The following RBFOX1 variants were observed in gnomAD, a reference collection of about 807,000 sequenced individuals.
RBFOX1 encodes the protein RNA binding fox-1 homolog 1.
Under a neutral mutation model 57.7 loss-of-function variants are expected in RBFOX1, and 8 were observed. The observed-to-expected ratio is 0.14, with a 90% CI of 0.08 to 0.25. RBFOX1 has a LOEUF of 0.25. RBFOX1 is among the 10% of genes least tolerant of loss of function. RBFOX1 has a pLI of 1.00. For synonymous variants in RBFOX1, 326 were observed against 222.4 expected, an observed-to-expected ratio of 1.47 and a Z score of -4.15; for missense variants, 611 against 548.5, an observed-to-expected ratio of 1.11 and a Z score of -1.14.
chr16:7,557,173 A>G lies in RBFOX1; in HGVS notation c.271-22604A>G, dbSNP rs551789231. On this transcript the variant is annotated intron_variant, in intron 5 of 15. Coordinates refer to ENST00000550418, the MANE Select transcript of RBFOX1 (RefSeq NM_018723.4). The stretch of plus-strand genomic sequence containing the variant: ...GAGGTGAAGTAATTTGCCTACTGTC[A>G]CGTGCTACTCATGGGGCCGGGTCTC... 5.9e-5 allele frequency among the ~76,000 whole-genome samples: 9 copies of G among 152,298 alleles called. No individual in the cohort carries two copies. The East Asian group carries it at 1.2e-3, about 20-fold the overall frequency.
At chr16:6,892,481 C>T (rs1244260779) in intron 3 of RBFOX1, among the ~76,000 whole-genome samples, 1 of 152,048 alleles carries the variant, frequency 6.6e-6, no homozygotes, top group Non-Finnish European at 1.5e-5. Context: ...ACCAGCCTGG[C>T]CAACACGGTG....
chr16:6,267,466 G>T (rs1375646941), intron 1 of RBFOX1, among the ~76,000 whole-genome samples: 1 of 152,170 alleles, frequency 6.6e-6, no homozygotes, highest in African/African-American at 2.4e-5. Context: ...TAGCCTAAGA[G>T]AAATAGACCA....
intron 1 of RBFOX1, among the ~76,000 whole-genome samples, chr16:6,155,751 A>G (rs904378710): frequency 1.4e-4 from 22 of 152,270 alleles, no homozygotes; most frequent in Admixed American, 1.4e-3. Context: ...GGTGGCTAAC[A>G]GCGGCGGCTT....
At chr16:7,635,770 T>C (rs2061654278) in intron 11 of RBFOX1, among the ~76,000 whole-genome samples, 1 of 152,192 alleles carries the variant, frequency 6.6e-6, no homozygotes, top group African/African-American at 2.4e-5. Flanking sequence ...TCTCTATCCA[T>C]AGTCATTCAA....
chr16:6,548,112 C>G (rs183046959), intron 2 of RBFOX1, among the ~76,000 whole-genome samples: 2 of 152,330 alleles, frequency 1.3e-5, no homozygotes, highest in East Asian at 1.9e-4. Flanking sequence ...ATTTCACATA[C>G]TGAAGGCTGG....
chr16:5,408,502 C>G (rs1000245227), intron 1 of RBFOX1, among the ~76,000 whole-genome samples: 12 of 152,306 alleles, frequency 7.9e-5, no homozygotes, highest in African/African-American at 2.6e-4. Flanking sequence ...CCACCCAGCC[C>G]ACGTCTGGTT....
intron 2 of RBFOX1, among the ~76,000 whole-genome samples, chr16:6,386,475 A>G (rs1428198189): frequency 6.6e-6 from 1 of 152,186 alleles, no homozygotes; most frequent in Non-Finnish European, 1.5e-5. Context: ...TGAATAGCTA[A>G]TTAACCCCGA....
chr16:6,823,611 C>A lies in RBFOX1; in HGVS notation c.-16+168961C>A, dbSNP rs1207711217. On this transcript the variant is annotated intron_variant, in intron 3 of 15. Coordinates refer to ENST00000550418, the MANE Select transcript of RBFOX1 (RefSeq NM_018723.4). Reference sequence around the variant, plus strand: ...TTATCTTCTTCCTTCCTTGAATATTCCACCAGTTTTCCTCCCTTGATTTTG... The same window carrying A: ...TTATCTTCTTCCTTCCTTGAATATTACACCAGTTTTCCTCCCTTGATTTTG... Among the ~76,000 whole-genome samples the A allele has an allele frequency of 3.9e-5, 6 of 152,076 alleles. No homozygotes were observed. The East Asian group carries it at 1.2e-3, about 29-fold the overall frequency.
Position 5,779,061 on chromosome 16 carries a change from C to G in RBFOX1, c.319-88242C>G, listed in dbSNP as rs372759762. ...CCTATTACTAGAAAAATCTAGCCTC[C>G]AAGTTATGAACCATGCTGTCAATGA... On this transcript the variant is annotated intron_variant, in intron 3 of 19. Transcript: ENST00000641259. Among the ~76,000 whole-genome samples, 22 of 152,260 alleles carry G rather than the reference C, an allele frequency of 1.4e-4. No homozygotes were observed. In the East Asian group the frequency reaches 1.7e-3, roughly 12 times the overall value.
At chr16:6,587,070 A>G (rs1328911819) in intron 2 of RBFOX1, among the ~76,000 whole-genome samples, 1 of 152,054 alleles carries the variant, frequency 6.6e-6, no homozygotes, top group Non-Finnish European at 1.5e-5. Flanking sequence ...ATTTCCTAGT[A>G]TACAGTACCT....
intron 3 of RBFOX1, among the ~76,000 whole-genome samples, chr16:6,992,463 C>G (rs962336150): frequency 2.0e-5 from 3 of 152,126 alleles, no homozygotes; most frequent in Non-Finnish European, 4.4e-5. Flanking sequence ...CGTGATCTGC[C>G]TTGGCCTCCC....
intron 1 of RBFOX1, among the ~76,000 whole-genome samples, chr16:6,228,579 C>G (rs771419717): frequency 6.6e-6 from 1 of 152,142 alleles, no homozygotes; most frequent in Admixed American, 6.6e-5. Flanking sequence ...ACAAATGCTG[C>G]ATTATCTAAC....
At chr16:7,265,990 T>TC (rs1491350144) in intron 4 of RBFOX1, among the ~76,000 whole-genome samples, 1 of 135,254 alleles carries the variant, frequency 7.4e-6, no homozygotes, top group African/African-American at 3.2e-5. Context: ...TTTTTTTTTT[T>TC]CTGAGAGGGA....
chr16:5,506,632 G>A (rs1157467078), intron 2 of RBFOX1, among the ~76,000 whole-genome samples: 1 of 152,124 alleles, frequency 6.6e-6, no homozygotes, highest in African/African-American at 2.4e-5. Context: ...CAGGCAGTGG[G>A]GCTGGCCTGA....
intron 2 of RBFOX1, among the ~76,000 whole-genome samples, chr16:6,612,066 A>T (rs1251763591): frequency 6.6e-6 from 1 of 152,102 alleles, no homozygotes; most frequent in Non-Finnish European, 1.5e-5. Flanking sequence ...CATTATTCTA[A>T]TATATTTACG....
chr16:7,266,485 A>G (rs1303901633), intron 4 of RBFOX1, among the ~76,000 whole-genome samples: 1 of 152,212 alleles, frequency 6.6e-6, no homozygotes, highest in Non-Finnish European at 1.5e-5. Context: ...TCTTTTGTTT[A>G]TAAATTACTC....
chr16:5,964,495 C>G (rs977687753), intron 4 of RBFOX1, among the ~76,000 whole-genome samples: 2 of 151,994 alleles, frequency 1.3e-5, no homozygotes, highest in African/African-American at 2.4e-5. Context: ...ACCTAAGAGT[C>G]CAATGGTGGA....
intron 4 of RBFOX1, among the ~76,000 whole-genome samples, chr16:7,492,617 C>T (rs1329954758): frequency 6.6e-6 from 1 of 152,154 alleles, no homozygotes; most frequent in African/African-American, 2.4e-5. Flanking sequence ...TTGTAATCCC[C>T]AGTGTTGGAC....
At chr16:7,624,231 A>G (rs1464317602) in intron 10 of RBFOX1, among the ~76,000 whole-genome samples, 3 of 152,240 alleles carry the variant, frequency 2.0e-5, no homozygotes, top group Non-Finnish European at 4.4e-5. Flanking sequence ...TTTATGTAGA[A>G]TCAAAACATT....
Sources: allele counts gnomAD v4.1 joint callset (sites outside exome capture counted in the v4.1 genomes callset), GRCh38; gene constraint gnomAD v4.1.1; transcripts MANE v1.5; gene names NCBI Gene and HGNC (gene_info 2026-07-23, HGNC 2026-07-21).